CDH2: variants seen among roughly 807,000 people sequenced by gnomAD.
CDH2 encodes cadherin 2.
CDH2 carries 17 observed loss-of-function variants against 92.0 expected under a neutral mutation model. The observed-to-expected ratio is 0.18, with a 90% confidence interval of 0.13 to 0.28. The LOEUF is 0.28. Ranked by LOEUF, CDH2 falls within the 10% of genes least tolerant of loss-of-function variation. The pLI, the probability that CDH2 is intolerant of heterozygous loss-of-function variation, is 1.00. For missense variants in CDH2, 862 were observed against 1,133.1 expected (o/e 0.76, Z 3.44); for synonymous variants, 419 against 415.9 (o/e 1.01, Z -0.09).
chr18:27,947,974 T>C (rs1278606643), downstream of CDH2, among the ~76,000 whole-genome samples: 1 of 147,938 alleles, frequency 6.8e-6, no homozygotes, highest in Non-Finnish European at 1.5e-5. Flanking sequence ...TTCCACATGG[T>C]TGGGTTTATA....
At chr18:28,159,554 G>A (rs2016273548) in intron 1 of CDH2, among the ~76,000 whole-genome samples, 1 of 151,866 alleles carries the variant, frequency 6.6e-6, no homozygotes. Flanking sequence ...GGGATCTTGA[G>A]AAATAAAAAA....
At chr18:28,130,355 C>T (rs1324540108) in intron 2 of CDH2, among the ~76,000 whole-genome samples, 4 of 152,070 alleles carry the variant, frequency 2.6e-5, no homozygotes, top group South Asian at 2.1e-4. Flanking sequence ...CAGACAGCAA[C>T]GCATTATTGC....
intron 2 of CDH2, among the ~76,000 whole-genome samples, chr18:28,129,804 C>A (rs534502978): frequency 4.3e-4 from 66 of 152,162 alleles, no homozygotes; most frequent in Middle Eastern, 3.4e-3. Context: ...CTCCAAAAAT[C>A]AATTAATTAA....
At chr18:28,111,041 G>A (rs1266598098) in intron 2 of CDH2, among the ~76,000 whole-genome samples, 1 of 152,194 alleles carries the variant, frequency 6.6e-6, no homozygotes, top group Non-Finnish European at 1.5e-5. Context: ...AGTCATGGAA[G>A]ATGGGCCTTC....
intron 14 of CDH2, among the ~76,000 whole-genome samples, chr18:27,977,106 C>T (rs2011857677): frequency 6.6e-6 from 1 of 152,074 alleles, no homozygotes; most frequent in Non-Finnish European, 1.5e-5. Context: ...CAAAAAAAGC[C>T]CTGCTGTTAG....
chr18:28,011,744 T>A, intron 4 of CDH2, 102 bp downstream of exon 4: 1 of 1,099,114 alleles, frequency 9.1e-7, no homozygotes, highest in African/African-American at 1.6e-5. Context: ...ACTTTTAGTA[T>A]ATACATGTCA....
chr18:28,069,386 T>A (rs772761844), intron 2 of CDH2, among the ~76,000 whole-genome samples: 7 of 152,166 alleles, frequency 4.6e-5, no homozygotes, highest in Non-Finnish European at 1.0e-4. Flanking sequence ...GCTCAAAGGA[T>A]GACAAATTTC....
chr18:28,061,224 T>C (rs1306364883), intron 2 of CDH2, among the ~76,000 whole-genome samples: 1 of 152,274 alleles, frequency 6.6e-6, no homozygotes, highest in Non-Finnish European at 1.5e-5. Flanking sequence ...ATCTTGGTTT[T>C]GTTTTAAACT....
At chr18:28,044,069 C>T (rs528711031) in intron 2 of CDH2, among the ~76,000 whole-genome samples, 4 of 151,936 alleles carry the variant, frequency 2.6e-5, no homozygotes, top group Non-Finnish European at 5.9e-5. Context: ...CCTGCCACCA[C>T]GCCCAGCTGA....
rs762240435 is a variant in CDH2 at position 28,009,779 on chromosome 18, G to C, written c.640C>G (p.Pro214Ala). The C allele has an allele frequency of 5.6e-6, 9 of 1,613,976 alleles. No individual in the cohort carries two copies. The East Asian group carries it at 1.1e-4, about 20-fold the overall frequency. ...GTCACCGACAGCTGACCCGAGATGG[G>C]GTTGATAATGAAGATACCAGTTGGA... is the stretch of plus-strand genomic sequence containing the variant. ...QPPTGIFIINPISGQLSVTKP... is the reference protein window; with the variant it reads ...QPPTGIFIINAISGQLSVTKP... Residue 214 changes from proline to alanine, a missense_variant, in exon 5 of 16, where the codon CCC becomes GCC. By Grantham distance (27) the Pro-to-Ala change is conservative. Transcript: ENST00000269141.
chr18:28,122,812 C>T (rs892191571), intron 2 of CDH2, among the ~76,000 whole-genome samples: 4 of 152,056 alleles, frequency 2.6e-5, no homozygotes, highest in Non-Finnish European at 4.4e-5. Flanking sequence ...TGAGTATAAA[C>T]ATTTTCTTAA....
intron 2 of CDH2, among the ~76,000 whole-genome samples, chr18:28,053,945 A>G (rs908466884): frequency 5.3e-5 from 8 of 152,002 alleles, no homozygotes; most frequent in Non-Finnish European, 1.2e-4. Context: ...CTCTTTTTGC[A>G]TCGAGCCCCT....
intron 2 of CDH2, among the ~76,000 whole-genome samples, chr18:28,131,785 A>T (rs1568010520): frequency 6.6e-6 from 1 of 152,024 alleles, no homozygotes; most frequent in Non-Finnish European, 1.5e-5. Flanking sequence ...GCAAGCTAGC[A>T]TCCCATTTCC....
chr18:28,099,293 C>T (rs1307654426), intron 2 of CDH2, among the ~76,000 whole-genome samples: 1 of 152,050 alleles, frequency 6.6e-6, no homozygotes, highest in Admixed American at 6.6e-5. Flanking sequence ...TGCCATTAAC[C>T]ATTTACCTTA....
intron 4 of CDH2, 64 bp downstream of exon 4, chr18:28,011,778 TAGAC>T (rs1439244493): frequency 1.4e-5 from 20 of 1,464,242 alleles, no homozygotes; most frequent in African/African-American, 5.7e-5. Context: ...GTAAAAAAAA[TAGAC>T]AGAAATATTT....
chr18:28,119,437 T>C (rs1214078693), intron 2 of CDH2, among the ~76,000 whole-genome samples: 2 of 152,070 alleles, frequency 1.3e-5, no homozygotes, highest in African/African-American at 4.8e-5. Context: ...CCATCAGTAA[T>C]TGTCATCTAC....
chr18:27,944,973 T>C (rs555445662), intron 6 of CDH2, among the ~76,000 whole-genome samples: 125 of 152,090 alleles, frequency 8.2e-4, no homozygotes, highest in Non-Finnish European at 1.4e-3. Flanking sequence ...ATAAAATATA[T>C]ATTCTCAGAT....
chr18:28,147,345 A>T (rs1376574920), intron 2 of CDH2, among the ~76,000 whole-genome samples: 1 of 152,114 alleles, frequency 6.6e-6, no homozygotes, highest in Non-Finnish European at 1.5e-5. Flanking sequence ...AAGCCATTAG[A>T]ACTAGATGTT....
chr18:27,971,441 A>C (rs1353498070), intron 14 of CDH2, among the ~76,000 whole-genome samples: 1 of 152,150 alleles, frequency 6.6e-6, no homozygotes, highest in Non-Finnish European at 1.5e-5. Flanking sequence ...AGCCAGGAAG[A>C]ATAAATATTA....
Sources: allele counts gnomAD v4.1 joint callset (sites outside exome capture counted in the v4.1 genomes callset), GRCh38; gene constraint gnomAD v4.1.1; transcripts MANE v1.5; gene names NCBI Gene and HGNC (gene_info 2026-07-23, HGNC 2026-07-21).